The following POU6F2 variants were observed in gnomAD, a reference collection of about 807,000 sequenced individuals.
The protein encoded by POU6F2 is POU class 6 homeobox 2.
POU6F2 carries 31 observed loss-of-function variants against 71.3 expected under a neutral mutation model. The ratio of observed to expected loss-of-function variants is 0.43; its 90% CI spans 0.33 to 0.59. POU6F2 has a LOEUF of 0.59. Ranked by LOEUF, POU6F2 falls within the 20% of genes least tolerant of loss-of-function variation. The pLI is 0.04. For missense variants in POU6F2, 783 were observed against 856.8 expected (o/e 0.91, Z 1.07); for synonymous variants, 347 against 355.7 (o/e 0.98, Z 0.27).
intron 2 of POU6F2, among the ~76,000 whole-genome samples, chr7:39,139,791 C>T (rs1298269779): frequency 6.6e-6 from 1 of 152,176 alleles, no homozygotes; most frequent in Non-Finnish European, 1.5e-5. Flanking sequence ...ACCTTCCTGA[C>T]TTGGTCTGAC....
intron 5 of POU6F2, among the ~76,000 whole-genome samples, chr7:39,395,306 C>T (rs756279999): frequency 2.0e-5 from 3 of 152,182 alleles, no homozygotes; most frequent in Non-Finnish European, 2.9e-5. Flanking sequence ...GCTCTCTATA[C>T]ACAAAATCCT....
At chr7:38,979,701 G>T (rs891588080) in intron 1 of POU6F2, among the ~76,000 whole-genome samples, 1 of 152,030 alleles carries the variant, frequency 6.6e-6, no homozygotes, top group African/African-American at 2.4e-5. Flanking sequence ...TTTGCATATT[G>T]AAATAAAACT....
At chr7:39,189,065 T>C (rs1404580298) in intron 2 of POU6F2, among the ~76,000 whole-genome samples, 4 of 152,184 alleles carry the variant, frequency 2.6e-5, no homozygotes, top group African/African-American at 9.7e-5. Context: ...ACTCTTTAAC[T>C]GAGAAAGAGA....
At chr7:39,381,046 C>T (rs769188402) in intron 5 of POU6F2, among the ~76,000 whole-genome samples, 3 of 152,028 alleles carry the variant, frequency 2.0e-5, no homozygotes, top group Non-Finnish European at 4.4e-5. Flanking sequence ...CCAGCCTTCT[C>T]AGCCTTTTTT....
chr7:39,337,062 C>G (rs748078904), intron 4 of POU6F2, among the ~76,000 whole-genome samples: 1 of 152,106 alleles, frequency 6.6e-6, no homozygotes. Context: ...TAGGGGTTTA[C>G]TGAGGAAACT....
At chr7:39,418,467 A>T (rs1223183868) in intron 6 of POU6F2, among the ~76,000 whole-genome samples, 1 of 152,156 alleles carries the variant, frequency 6.6e-6, no homozygotes, top group East Asian at 1.9e-4. Context: ...AGGCAGGCAG[A>T]TCACTTCAGG....
intron 1 of POU6F2, among the ~76,000 whole-genome samples, chr7:39,046,730 G>A (rs560325576): frequency 6.6e-6 from 1 of 151,720 alleles, no homozygotes; most frequent in Non-Finnish European, 1.5e-5. Context: ...CTTCTCACTG[G>A]TTATGACAAC....
At chr7:39,303,278 G>T (rs1043719756) in intron 4 of POU6F2, among the ~76,000 whole-genome samples, 1 of 152,128 alleles carries the variant, frequency 6.6e-6, no homozygotes, top group Admixed American at 6.5e-5. Flanking sequence ...CTCCTGAGTA[G>T]CTGGGACTAT....
intron 4 of POU6F2, among the ~76,000 whole-genome samples, chr7:39,277,927 C>T (rs375553222): frequency 3.9e-5 from 6 of 151,924 alleles, no homozygotes; most frequent in Admixed American, 1.3e-4. Flanking sequence ...TGTGGTGGCA[C>T]GCGCCTGTAG....
At chr7:39,344,675 T>C (rs1254138439) in intron 5 of POU6F2, among the ~76,000 whole-genome samples, 1 of 152,040 alleles carries the variant, frequency 6.6e-6, no homozygotes, top group Non-Finnish European at 1.5e-5. Context: ...TTAGTCTTAA[T>C]CGGTTTACCA....
intron 4 of POU6F2, among the ~76,000 whole-genome samples, chr7:39,210,157 G>A (rs1584603508): frequency 6.6e-6 from 1 of 152,108 alleles, no homozygotes; most frequent in East Asian, 1.9e-4. Flanking sequence ...CTTCTCCAGT[G>A]ATTTTATAAA....
chr7:39,299,770 T>C (rs113195615), intron 4 of POU6F2, among the ~76,000 whole-genome samples: 14 of 152,326 alleles, frequency 9.2e-5, no homozygotes, highest in African/African-American at 3.4e-4. Context: ...AAAAGGGCCT[T>C]TGCTGATGTC....
rs775781218 is a variant in POU6F2, at chr7:39,460,575, T to A, written c.1518T>A (p.Asp506Glu). The A allele has an allele frequency of 6.2e-7, 1 of 1,613,710 alleles. No homozygotes were observed. Among genetic ancestry groups the A allele is most frequent in the East Asian group, 2.2e-5 (1 of 44,872 alleles). The change falls in exon 9 of 10, where the codon GAT becomes GAA. Residue 506 changes from aspartate (D) to glutamate (E), a missense_variant. Asp to Glu is a conservative substitution (Grantham distance 45). This residue lies in a region of POU6F2 where 211 missense variants were observed against 283.9 expected (regional missense o/e 0.74). Transcript: ENST00000518318. The surrounding 1 kb of genome is among the most constrained non-coding windows in gnomAD (Gnocchi z 4.4). ...CTCAAACGGCAGCGGGTGAGGTGGA[T>A]GGGGTTAATCTGGAGGAGATCCGAG... ...SNPQTAAGEV[D>E]GVNLEEIREF...
At chr7:39,378,899 G>A (rs561487280) in intron 5 of POU6F2, among the ~76,000 whole-genome samples, 1 of 152,158 alleles carries the variant, frequency 6.6e-6, no homozygotes, top group African/African-American at 2.4e-5. Context: ...TGATGCTCAC[G>A]TTATAACTGA....
At chr7:39,105,853 T>A (rs1228813244) in intron 2 of POU6F2, among the ~76,000 whole-genome samples, 1 of 152,190 alleles carries the variant, frequency 6.6e-6, no homozygotes, top group African/African-American at 2.4e-5. Flanking sequence ...CCTCCAGCCC[T>A]CCAGTACCCA....
intron 1 of POU6F2, among the ~76,000 whole-genome samples, chr7:39,000,762 C>G (rs1244699998): frequency 1.3e-5 from 2 of 152,140 alleles, no homozygotes; most frequent in Non-Finnish European, 2.9e-5. Context: ...ACTTCCCACT[C>G]CTGTCCTTTT....
At chr7:39,328,115 T>C (rs926895646) in intron 4 of POU6F2, among the ~76,000 whole-genome samples, 6 of 152,166 alleles carry the variant, frequency 3.9e-5, no homozygotes, top group Non-Finnish European at 7.4e-5. Flanking sequence ...GAGATGGGGT[T>C]TCACCATGTT....
At chr7:39,226,614 T>C (rs1271893717) in intron 4 of POU6F2, among the ~76,000 whole-genome samples, 1 of 152,218 alleles carries the variant, frequency 6.6e-6, no homozygotes, top group African/African-American at 2.4e-5. Flanking sequence ...ATTTTTTTGT[T>C]TGTTTCAAAA....
chr7:39,039,806 T>C (rs1217752525), intron 1 of POU6F2, among the ~76,000 whole-genome samples: 1 of 150,718 alleles, frequency 6.6e-6, no homozygotes, highest in African/African-American at 2.4e-5. Flanking sequence ...TGGGCAAAGG[T>C]TAGGTGGAGA....
Sources: allele counts gnomAD v4.1 joint callset (sites outside exome capture counted in the v4.1 genomes callset), GRCh38; gene constraint gnomAD v4.1.1; regional missense constraint gnomAD v4.1.1; non-coding constraint Gnocchi (gnomAD v3.1); transcripts MANE v1.5; gene names NCBI Gene and HGNC (gene_info 2026-07-23, HGNC 2026-07-21).